CNTN1: variants seen among roughly 807,000 people sequenced by gnomAD.
CNTN1 encodes contactin 1.
Under a neutral mutation model 126.4 loss-of-function variants are expected in CNTN1, and 38 were observed. The observed-to-expected ratio is 0.30, with a 90% CI of 0.23 to 0.39. The LOEUF (loss-of-function observed/expected upper bound fraction) is 0.39, where lower values mean the gene tolerates loss of function less well. CNTN1 is among the 10% of genes least tolerant of loss of function. The pLI, the probability that CNTN1 is intolerant of heterozygous loss-of-function variation, is 1.00. For missense variants in CNTN1, 1,009 were observed against 1,248.4 expected (o/e 0.81, Z 2.89); for synonymous variants, 413 against 422.6 (o/e 0.98, Z 0.28).
chr12:40,778,764 C>T (rs536565226), intron 1 of CNTN1, among the ~76,000 whole-genome samples: 4 of 151,752 alleles, frequency 2.6e-5, no homozygotes, highest in African/African-American at 7.2e-5. Flanking sequence ...AAAATATTTC[C>T]TATAAGAAAT....
chr12:40,698,157 A>C (rs1327643680), intron 1 of CNTN1, among the ~76,000 whole-genome samples: 1 of 149,948 alleles, frequency 6.7e-6, no homozygotes, highest in African/African-American at 2.5e-5. Context: ...AGGTGTTAAG[A>C]GTTATGCAGA....
chr12:41,025,381 G>GA, intron 21 of CNTN1, 45 bp downstream of exon 21: 1 of 1,572,434 alleles, frequency 6.4e-7, no homozygotes, highest in Non-Finnish European at 8.7e-7. Flanking sequence ...AACTACCACT[G>GA]GATTCAATCA....
At chr12:40,949,996 T>C (rs1362681765) in intron 14 of CNTN1, among the ~76,000 whole-genome samples, 2 of 151,980 alleles carry the variant, frequency 1.3e-5, no homozygotes, top group African/African-American at 4.8e-5. Flanking sequence ...TAGAGCAGGA[T>C]ACCAGGCAGC....
intron 23 of CNTN1, among the ~76,000 whole-genome samples, chr12:41,039,527 G>A (rs1949348298): frequency 6.6e-6 from 1 of 152,054 alleles, no homozygotes; most frequent in Non-Finnish European, 1.5e-5. Context: ...AGAAAAGAAG[G>A]AGTACTTCAA....
At chr12:41,012,951 C>T (rs930920824) in intron 17 of CNTN1, among the ~76,000 whole-genome samples, 1 of 152,080 alleles carries the variant, frequency 6.6e-6, no homozygotes, top group Non-Finnish European at 1.5e-5. Context: ...CATGGATACA[C>T]ACAAGGAGTT....
chr12:40,990,476 A>G (rs943012242), intron 16 of CNTN1, among the ~76,000 whole-genome samples: 2 of 151,544 alleles, frequency 1.3e-5, no homozygotes, highest in African/African-American at 4.9e-5. Flanking sequence ...TCTTCATCTC[A>G]CTCGTTAAAA....
At chr12:40,906,025 C>T (rs1315420369) in intron 1 of CNTN1, among the ~76,000 whole-genome samples, 1 of 152,228 alleles carries the variant, frequency 6.6e-6, no homozygotes, top group Non-Finnish European at 1.5e-5. Context: ...CCTGTAATCC[C>T]AGCACTTTGG....
At chr12:41,033,701 A>G (rs1693810349) in intron 23 of CNTN1, among the ~76,000 whole-genome samples, 1 of 152,108 alleles carries the variant, frequency 6.6e-6, no homozygotes, top group Admixed American at 6.6e-5. Context: ...CTAAGATATA[A>G]GGAGATGAAG....
chr12:41,026,216 A>C (rs1949034815), intron 21 of CNTN1, among the ~76,000 whole-genome samples: 1 of 152,226 alleles, frequency 6.6e-6, no homozygotes, highest in Non-Finnish European at 1.5e-5. Context: ...TTCATCAAAA[A>C]TATGCTGTGT....
chr12:40,740,392 A>T (rs1186800992), intron 1 of CNTN1, among the ~76,000 whole-genome samples: 2 of 152,082 alleles, frequency 1.3e-5, no homozygotes, highest in Non-Finnish European at 2.9e-5. Context: ...TAGTAACTCT[A>T]ACTGCTGTTC....
At chr12:40,849,872 A>G (rs1942654598) in intron 1 of CNTN1, among the ~76,000 whole-genome samples, 1 of 152,076 alleles carries the variant, frequency 6.6e-6, no homozygotes, top group Non-Finnish European at 1.5e-5. Flanking sequence ...AGATACATAT[A>G]TGGTACATAC....
intron 1 of CNTN1, among the ~76,000 whole-genome samples, chr12:40,849,571 C>T (rs1942643370): frequency 6.6e-6 from 1 of 151,998 alleles, no homozygotes; most frequent in Non-Finnish European, 1.5e-5. Flanking sequence ...ACAAAGGTAA[C>T]TGTGCTAGCC....
At chr12:40,947,552 A>G (rs1002624388) in intron 14 of CNTN1, among the ~76,000 whole-genome samples, 6 of 151,914 alleles carry the variant, frequency 3.9e-5, no homozygotes, top group African/African-American at 1.2e-4. Flanking sequence ...ACTTAAGACA[A>G]TCTATCAAAA....
intron 1 of CNTN1, among the ~76,000 whole-genome samples, chr12:40,819,925 G>T (rs556685317): frequency 6.6e-6 from 1 of 152,168 alleles, no homozygotes; most frequent in Non-Finnish European, 1.5e-5. Context: ...CCCCTTCCTT[G>T]TGTCGTTCTC....
intron 1 of CNTN1, among the ~76,000 whole-genome samples, chr12:40,825,601 G>A (rs761797333): frequency 6.6e-6 from 1 of 152,052 alleles, no homozygotes; most frequent in African/African-American, 2.4e-5. Context: ...TTTTTCTCAG[G>A]CATAGCCAGA....
At chr12:40,979,381 A>C (rs763322497) in intron 15 of CNTN1, 1 of 152,114 alleles carries the variant, frequency 6.6e-6, no homozygotes, top group Non-Finnish European at 1.5e-5. Flanking sequence ...GCAAATACCA[A>C]TGTTCTTATA....
At chr12:40,879,643 G>C (rs2136693274) in intron 1 of CNTN1, among the ~76,000 whole-genome samples, 1 of 152,184 alleles carries the variant, frequency 6.6e-6, no homozygotes, top group Non-Finnish European at 1.5e-5. Flanking sequence ...AGCAAGGAGG[G>C]AGATTACAGA....
At chr12:40,693,621 T>C (rs2121072450) in intron 1 of CNTN1, among the ~76,000 whole-genome samples, 1 of 152,298 alleles carries the variant, frequency 6.6e-6, no homozygotes, top group East Asian at 1.9e-4. Context: ...TATTTATTTA[T>C]TTATTTTCAT....
intron 1 of CNTN1, among the ~76,000 whole-genome samples, chr12:40,872,554 C>A (rs1943537172): frequency 6.9e-6 from 1 of 145,972 alleles, no homozygotes. Context: ...ATTGCATGTA[C>A]TAAGCATTTT....
Sources: gnomAD v4.1 joint callset for allele counts (sites outside exome capture counted in the v4.1 genomes callset) on GRCh38, gnomAD v4.1.1 for gene constraint, MANE v1.5 for transcripts, NCBI Gene and HGNC (gene_info 2026-07-23, HGNC 2026-07-21) for gene names.